Variants in FAF1 observed in about 807,000 individuals in gnomAD.
FAF1 encodes the protein Fas associated factor 1, also known as FAS-associated factor 1.
In FAF1, 25 loss-of-function variants were observed where a neutral mutation model predicts 92.5. The ratio of observed to expected loss-of-function variants is 0.27; its 90% CI spans 0.20 to 0.38. FAF1 has a LOEUF of 0.38. Among genes scored for constraint, FAF1 ranks in the 10% least tolerant of loss-of-function variants. The pLI is 1.00. For missense variants in FAF1, 636 were observed against 793.3 expected (o/e 0.80, Z 2.38); for synonymous variants, 234 against 273.2 (o/e 0.86, Z 1.42).
chr1:50,930,517 T>C (rs760264456), intron 1 of FAF1, among the ~76,000 whole-genome samples: 4 of 152,116 alleles, frequency 2.6e-5, no homozygotes, highest in African/African-American at 7.2e-5. Context: ...AACAACAATC[T>C]TGCAAAGCTG....
At chr1:50,883,699 C>T (rs1239612709) in intron 1 of FAF1, among the ~76,000 whole-genome samples, 1 of 152,134 alleles carries the variant, frequency 6.6e-6, no homozygotes, top group African/African-American at 2.4e-5. Flanking sequence ...TAATATACAA[C>T]TGTAAATTAG....
chr1:50,533,616 T>C (rs960615237), intron 15 of FAF1, among the ~76,000 whole-genome samples: 10 of 152,172 alleles, frequency 6.6e-5, no homozygotes, highest in Non-Finnish European at 1.0e-4. Flanking sequence ...AAATTGTCTA[T>C]ATGTTTCACA....
At chr1:50,764,412 T>C (rs1052020264) in intron 4 of FAF1, among the ~76,000 whole-genome samples, 2 of 152,234 alleles carry the variant, frequency 1.3e-5, no homozygotes, top group African/African-American at 2.4e-5. Context: ...ATCATTCAGA[T>C]ACCTGCATGT....
chr1:50,587,342 G>A (rs1022213199), intron 9 of FAF1, among the ~76,000 whole-genome samples: 5 of 152,212 alleles, frequency 3.3e-5, no homozygotes, highest in Admixed American at 2.6e-4. Flanking sequence ...TCTTCAAAGG[G>A]AGGTATCTAA....
intron 8 of FAF1, among the ~76,000 whole-genome samples, chr1:50,596,579 T>C (rs1651826099): frequency 6.6e-6 from 1 of 152,168 alleles, no homozygotes; most frequent in Admixed American, 6.5e-5. Context: ...GCAGTAGGGA[T>C]AGAAATATAA....
intron 18 of FAF1, among the ~76,000 whole-genome samples, chr1:50,443,591 T>C (rs1319390743): frequency 1.3e-5 from 2 of 152,212 alleles, no homozygotes; most frequent in Non-Finnish European, 2.9e-5. Context: ...AGTCAAATCC[T>C]AGGTCTGTCA....
chr1:50,570,476 A>G (rs1017802965), intron 12 of FAF1, among the ~76,000 whole-genome samples: 2 of 152,118 alleles, frequency 1.3e-5, no homozygotes, highest in African/African-American at 4.8e-5. Flanking sequence ...TTTTCGTTCC[A>G]GGGACACAAA....
chr1:50,703,079 C>T (rs1231965349), intron 7 of FAF1, among the ~76,000 whole-genome samples: 2 of 151,450 alleles, frequency 1.3e-5, no homozygotes, highest in African/African-American at 2.4e-5. Flanking sequence ...TTTTCCTTTC[C>T]CTCAATTATA....
chr1:50,862,410 G>A (rs778645268), intron 1 of FAF1, among the ~76,000 whole-genome samples: 1 of 151,882 alleles, frequency 6.6e-6, no homozygotes, highest in Non-Finnish European at 1.5e-5. Flanking sequence ...CAAAATGATG[G>A]TAACGAGCAA....
Position 50,527,868 on chromosome 1 carries a change from C to CCTCTCT in FAF1, c.1494+7495_1494+7500dup, listed in dbSNP as rs1332650562. On this transcript the variant is annotated intron_variant, in intron 15 of 18. Coordinates refer to ENST00000396153, the MANE Select transcript of FAF1 (RefSeq NM_007051.3). ...CCCTCTCTCCCTCTCTCCCTCTCTCCCTCTCTCTCTCTCTCTCTCTCTGAG... is the reference window on the plus strand; with the variant it reads ...CCCTCTCTCCCTCTCTCCCTCTCTCCCTCTCTCTCTCTCTCTCTCTCTCTCTCTGAG... Among the ~76,000 whole-genome samples, 355 of 57,144 alleles carry CCTCTCT rather than the reference C, an allele frequency of 6.2e-3. 6 individuals are homozygous for CCTCTCT. The highest frequency in any genetic ancestry group is 0.037 in the African/African-American group (324 of 8,820). The allele number at this position is 57,144 out of a possible 152,430, so 37.5% of individuals were successfully genotyped here.
Position 50,862,870 on chromosome 1 carries a change from C to T in FAF1, c.46-4873G>A, listed in dbSNP as rs190825463. Among the ~76,000 whole-genome samples, 114 of 152,018 alleles carry T rather than the reference C, an allele frequency of 7.5e-4. No homozygotes were observed. In the East Asian group the frequency reaches 0.018, roughly 24 times the overall value. ...ATGCTAAATATACATACACTAAACACTGGAGCTCCCATTTATAAAAGCTCT... is the reference window on the plus strand; with the variant it reads ...ATGCTAAATATACATACACTAAACATTGGAGCTCCCATTTATAAAAGCTCT... On this transcript the variant is annotated intron_variant, in intron 1 of 18. Transcript: ENST00000396153.
chr1:50,887,414 C>T (rs1175945354), intron 1 of FAF1, among the ~76,000 whole-genome samples: 1 of 152,172 alleles, frequency 6.6e-6, no homozygotes, highest in African/African-American at 2.4e-5. Context: ...GCTTTGGTTG[C>T]CATTGCTTTT....
chr1:50,949,997 A>T lies in FAF1; in HGVS notation c.45+9770T>A, dbSNP rs868772227. 1.9e-4 allele frequency among the ~76,000 whole-genome samples: 28 copies of T among 144,730 alleles called. No individual in the cohort carries two copies. The South Asian group carries it at 3.7e-3, about 19-fold the overall frequency. The allele number at this position is 144,730 out of a possible 152,430, so 94.9% of individuals were successfully genotyped here. A position where few individuals can be genotyped will look rare whatever the true frequency, so the allele number is the denominator to read the frequency against. On this transcript the variant is annotated intron_variant, in intron 1 of 18. Coordinates refer to ENST00000396153, the MANE Select transcript of FAF1 (RefSeq NM_007051.3). ...ACATGCTATCACACCCAGCTAATTT[A>T]AAAAAAAAAAATTTATTTTTTTTTG... is the stretch of plus-strand genomic sequence containing the variant.
At chr1:50,499,362 G>GGT (rs374698092) in intron 15 of FAF1, among the ~76,000 whole-genome samples, 13,540 of 143,764 alleles carry the variant, frequency 0.094, 683 homozygotes, top group African/African-American at 0.12. Context: ...TTAGCTGTAG[G>GGT]GTTTTTTTTT....
chr1:50,783,806 C>T (rs1011566748), intron 4 of FAF1, among the ~76,000 whole-genome samples: 12 of 151,982 alleles, frequency 7.9e-5, no homozygotes, highest in Admixed American at 2.6e-4. Context: ...ACCTAGGAGG[C>T]GGAGGTTGCA....
At chr1:50,495,745 C>T (rs1323752085) in intron 15 of FAF1, among the ~76,000 whole-genome samples, 1 of 152,092 alleles carries the variant, frequency 6.6e-6, no homozygotes, top group East Asian at 1.9e-4. Context: ...CAAGGGTTCC[C>T]TTTTCTCCAC....
At chr1:50,866,428 T>C (rs1490535201) in intron 1 of FAF1, among the ~76,000 whole-genome samples, 2 of 152,052 alleles carry the variant, frequency 1.3e-5, no homozygotes, top group East Asian at 3.9e-4. Context: ...TATAATTGTA[T>C]ACCTAGGAAA....
At chr1:50,598,630 T>TC (rs1651944829) in intron 8 of FAF1, among the ~76,000 whole-genome samples, 1 of 152,150 alleles carries the variant, frequency 6.6e-6, no homozygotes, top group Non-Finnish European at 1.5e-5. Context: ...TTTTTTCTTT[T>TC]CTTCTTACAA....
intron 18 of FAF1, 35 bp from the exon 19 acceptor site, chr1:50,441,558 A>G: frequency 7.7e-7 from 1 of 1,291,270 alleles, no homozygotes. Context: ...CAAAAGACTG[A>G]AACAAGCACT....
Sources: allele counts gnomAD v4.1 joint callset (sites outside exome capture counted in the v4.1 genomes callset), GRCh38; gene constraint gnomAD v4.1.1; transcripts MANE v1.5; gene names NCBI Gene and HGNC (gene_info 2026-07-23, HGNC 2026-07-21).